Variants in HAO1 observed in about 807,000 individuals in gnomAD.
The protein encoded by HAO1 is 2-Hydroxyacid oxidase 1.
A neutral mutation model predicts 39.7 loss-of-function variants in HAO1; 34 were observed. The observed-to-expected ratio is 0.86, with a 90% CI of 0.65 to 1.14. The LOEUF (loss-of-function observed/expected upper bound fraction) is 1.14. Among genes scored for constraint, HAO1 ranks in the 50% most tolerant of loss-of-function variants. HAO1 has a pLI of 0.00. For synonymous variants in HAO1, 172 were observed against 173.2 expected (o/e 0.99, Z 0.05); for missense variants, 479 against 464.5 (o/e 1.03, Z -0.29).
chr20:7,930,830 G>A lies in HAO1; in HGVS notation c.289+3654C>T, dbSNP rs1445403336. ...ATGGGCTCATGTTGCAACAGATAAT[G>A]TCAGGCAAAAAGTGGTAGGTCTGAT... On this transcript the variant is annotated intron_variant, in intron 2 of 7. Transcript: ENST00000378789. 3.3e-5 allele frequency among the ~76,000 whole-genome samples: 5 copies of A among 152,110 alleles called. No homozygotes were observed. In the South Asian group the frequency reaches 8.3e-4, roughly 25 times the overall value.
At chr20:7,909,873 A>G (rs779768146) in intron 3 of HAO1, among the ~76,000 whole-genome samples, 99 of 152,202 alleles carry the variant, frequency 6.5e-4, no homozygotes, top group Non-Finnish European at 1.1e-3. Flanking sequence ...GCTCATAAAT[A>G]CAGACACTGA....
At position 7,914,348 on chromosome 20, in the gene HAO1, C is replaced by T. The variant is rs773856050; in HGVS notation, c.361G>A (p.Ala121Thr). The change falls in exon 3 of 8, where the codon GCT becomes ACT. Residue 121 changes from alanine (A) to threonine (T), a missense_variant. Physicochemically the swap from Ala to Thr is moderately conservative, Grantham distance 58 (BLOSUM62 0). Transcript: ENST00000378789. Reference sequence around the variant, plus strand: ...AGCCAACGAAGTGCCTCAGGACCAGCTTCCGCCACTTCTTCAATTGAGGAG... The same window carrying T: ...AGCCAACGAAGTGCCTCAGGACCAGTTTCCGCCACTTCTTCAATTGAGGAG... ...ATSSIEEVAE[A>T]GPEALRWLQL... 6.2e-7 allele frequency: 1 copy of T among 1,614,008 alleles called. No individual in the cohort carries two copies. Among genetic ancestry groups the T allele is most frequent in the East Asian group, 2.2e-5 (1 of 44,806 alleles).
intron 2 of HAO1, among the ~76,000 whole-genome samples, chr20:7,924,859 C>T (rs1430486278): frequency 6.6e-6 from 1 of 152,128 alleles, no homozygotes; most frequent in Non-Finnish European, 1.5e-5. Context: ...AAAACAGCTG[C>T]ACTGAAAATA....
At chr20:7,888,849 G>T (rs903595096) in intron 5 of HAO1, among the ~76,000 whole-genome samples, 1 of 152,164 alleles carries the variant, frequency 6.6e-6, no homozygotes, top group African/African-American at 2.4e-5. Context: ...TCTAAGCCTA[G>T]ATCTCAGGAG....
chr20:7,916,251 C>T (rs907032588), intron 2 of HAO1, among the ~76,000 whole-genome samples: 1 of 152,030 alleles, frequency 6.6e-6, no homozygotes, highest in Admixed American at 6.6e-5. Flanking sequence ...ATATATAAAA[C>T]AGTCAAATCT....
intron 2 of HAO1, among the ~76,000 whole-genome samples, chr20:7,930,065 C>T (rs1038864992): frequency 1.3e-5 from 2 of 152,106 alleles, no homozygotes; most frequent in Admixed American, 6.5e-5. Flanking sequence ...TCAGGCCAGA[C>T]CATTGCCTGT....
intron 2 of HAO1, among the ~76,000 whole-genome samples, chr20:7,918,013 A>G (rs913926559): frequency 2.6e-5 from 4 of 152,232 alleles, no homozygotes; most frequent in African/African-American, 9.6e-5. Flanking sequence ...ATTGCTGCTC[A>G]GTGATTATTT....
chr20:7,930,330 T>C lies in HAO1; in HGVS notation c.289+4154A>G, dbSNP rs138481196. Among the ~76,000 whole-genome samples, 8 of 152,314 alleles carry C rather than the reference T, an allele frequency of 5.3e-5. 1 individual carries two copies. The East Asian group carries it at 1.5e-3, about 29-fold the overall frequency. ...TTGCTTGAGAGGATTTCCATATTCTTTCTGGGAATGATGGAATAAATACAA... is the reference window on the plus strand; with the variant it reads ...TTGCTTGAGAGGATTTCCATATTCTCTCTGGGAATGATGGAATAAATACAA... On this transcript the variant is annotated intron_variant, in intron 2 of 7. Transcript: ENST00000378789.
intron 2 of HAO1, among the ~76,000 whole-genome samples, chr20:7,918,923 C>T (rs1219411461): frequency 1.3e-5 from 2 of 152,234 alleles, no homozygotes; most frequent in Non-Finnish European, 2.9e-5. Flanking sequence ...TTCTGACTCC[C>T]TGCTCCCAAA....
At chr20:7,904,399 T>G (rs1172878751) in intron 4 of HAO1, among the ~76,000 whole-genome samples, 1 of 152,224 alleles carries the variant, frequency 6.6e-6, no homozygotes, top group Non-Finnish European at 1.5e-5. Flanking sequence ...TCAAGACACT[T>G]CAGTGGTTCT....
At chr20:7,932,131 C>A (rs564510897) in intron 2 of HAO1, among the ~76,000 whole-genome samples, 1 of 152,136 alleles carries the variant, frequency 6.6e-6, no homozygotes, top group Non-Finnish European at 1.5e-5. Context: ...CATTTCCCTG[C>A]TTGCACTTCT....
intron 5 of HAO1, among the ~76,000 whole-genome samples, chr20:7,887,064 G>A (rs548935003): frequency 6.6e-6 from 1 of 152,222 alleles, no homozygotes; most frequent in Admixed American, 6.5e-5. Context: ...AACTTTCATG[G>A]AAATCATTTA....
Position 7,918,656 on chromosome 20 carries a change from G to A in HAO1, c.290-4237C>T, listed in dbSNP as rs148591019. 2.7e-3 allele frequency among the ~76,000 whole-genome samples: 415 copies of A among 152,280 alleles called. 1 individual carries two copies. Among genetic ancestry groups the A allele is most frequent in the Non-Finnish European group, 4.3e-3 (291 of 68,022 alleles). ...CCTGTTAGAGCGCTAGAGACCAGCAGCTGAGTATCTCTTCCAATTGCTCAA... is the reference window on the plus strand; with the variant it reads ...CCTGTTAGAGCGCTAGAGACCAGCAACTGAGTATCTCTTCCAATTGCTCAA... On this transcript the variant is annotated intron_variant, in intron 2 of 7. Coordinates refer to ENST00000378789, the MANE Select transcript of HAO1 (RefSeq NM_017545.3).
intron 5 of HAO1, among the ~76,000 whole-genome samples, chr20:7,888,861 C>T (rs1374987946): frequency 1.3e-5 from 2 of 152,122 alleles, no homozygotes; most frequent in East Asian, 1.9e-4. Flanking sequence ...TCTCAGGAGG[C>T]CTTGCATGCT....
intron 2 of HAO1, among the ~76,000 whole-genome samples, chr20:7,920,881 T>C (rs2050328042): frequency 6.6e-6 from 1 of 152,152 alleles, no homozygotes; most frequent in African/African-American, 2.4e-5. Context: ...TTCCTCTCAA[T>C]AAATATCCAG....
At chr20:7,929,521 G>GA (rs751873630) in intron 2 of HAO1, among the ~76,000 whole-genome samples, 2 of 152,012 alleles carry the variant, frequency 1.3e-5, no homozygotes, top group African/African-American at 4.8e-5. Context: ...TTTTGAAAAT[G>GA]AAAAAAGTAT....
At chr20:7,917,372 G>C (rs1454490236) in intron 2 of HAO1, among the ~76,000 whole-genome samples, 1 of 150,172 alleles carries the variant, frequency 6.7e-6, no homozygotes, top group African/African-American at 2.4e-5. Flanking sequence ...TCCTGAAGAG[G>C]ATGTTACCTA....
intron 2 of HAO1, among the ~76,000 whole-genome samples, chr20:7,931,906 G>T (rs2122797740): frequency 6.6e-6 from 1 of 152,262 alleles, no homozygotes; most frequent in East Asian, 1.9e-4. Flanking sequence ...CCACAAAACA[G>T]GGACAGAAAC....
At chr20:7,936,547 T>TGTGTGTGTGTGTGTGTGTGTGTGTGTG (rs751822933) in intron 1 of HAO1, among the ~76,000 whole-genome samples, 40 of 136,714 alleles carry the variant, frequency 2.9e-4, no homozygotes, top group Middle Eastern at 4.0e-3. Flanking sequence ...TGTGTGTGTG[T>TGTGTGTGTGTGTGTGTGTGTGTGTGTG]TCGCGCGCGC....
Sources: allele counts gnomAD v4.1 joint callset (sites outside exome capture counted in the v4.1 genomes callset), GRCh38; gene constraint gnomAD v4.1.1; transcripts MANE v1.5; gene names NCBI Gene and HGNC (gene_info 2026-07-23, HGNC 2026-07-21).